Variants in SGSM1 observed in about 807,000 individuals in gnomAD.
SGSM1 encodes the protein small G protein signaling modulator 1.
SGSM1 carries 73 observed loss-of-function variants against 133.8 expected under a neutral mutation model. The observed-to-expected ratio is 0.55, with a 90% CI of 0.45 to 0.66. The LOEUF (loss-of-function observed/expected upper bound fraction) is 0.66. Ranked by LOEUF, SGSM1 falls within the 30% of genes least tolerant of loss-of-function variation. The pLI, the probability that SGSM1 is intolerant of heterozygous loss-of-function variation, is 0.00. For missense variants in SGSM1, 1,213 were observed against 1,448.1 expected, an observed-to-expected ratio of 0.84 and a Z score of 2.64; for synonymous variants, 563 against 573.0, an observed-to-expected ratio of 0.98 and a Z score of 0.25.
Position 24,852,406 on chromosome 22 carries a change from C to T in SGSM1, c.455+1974C>T, listed in dbSNP as rs544323973. On this transcript the variant is annotated intron_variant, in intron 5 of 24. Transcript: ENST00000400358. Reference sequence around the variant, plus strand: ...AGAAACTCCCTTCAGCTACTTCTTACAGTCACACCTCGGTTCCAACTCTAC... The same window carrying T: ...AGAAACTCCCTTCAGCTACTTCTTATAGTCACACCTCGGTTCCAACTCTAC... 1.4e-4 allele frequency among the ~76,000 whole-genome samples: 22 copies of T among 152,298 alleles called. No homozygotes were observed. The South Asian group carries it at 3.5e-3, about 24-fold the overall frequency.
rs745510954 is a variant in SGSM1, at chr22:24,912,698, C to G, written c.2874C>G (p.Phe958Leu). 2 of 1,613,642 alleles carry G rather than the reference C, an allele frequency of 1.2e-6. No homozygotes were observed. The highest frequency in any genetic ancestry group is 1.6e-4 in the Middle Eastern group (1 of 6,084). Residue 958 changes from phenylalanine to leucine, a missense_variant, in exon 22 of 25, where the codon TTC (phenylalanine) becomes TTG (leucine). Coordinates refer to ENST00000400358, the MANE Select transcript of SGSM1 (RefSeq NM_001098497.3). ...TCATGAAGAGGATGAACCAGAACTT[C>G]CCCCACGGAGGCGCCATGGACACGC... ...TELMKRMNQN[F>L]PHGGAMDTHF...
In SGSM1 at chr22:24,868,473, G is replaced by T. The variant is rs758101180; in HGVS notation, c.1092G>T (p.Ser364=). 6.2e-7 allele frequency: 1 copy of T among 1,613,756 alleles called. No individual in the cohort carries two copies. Among genetic ancestry groups the T allele is most frequent in the African/African-American group, 1.3e-5 (1 of 74,986 alleles). Residue 364 remains serine (S), a synonymous_variant, in exon 11 of 25, where the codon TCG becomes TCT. Transcript: ENST00000400358. ...GCGGGCACCTCCTGCAGTTCCTCTC[G>T]TGCCTGGAGAATGGGCTGCTCCCAC... ...PKGGHLLQFL[S]CLENGLLPHG...
intron 20 of SGSM1, among the ~76,000 whole-genome samples, chr22:24,904,151 C>T (rs966370759): frequency 4.6e-5 from 7 of 151,924 alleles, no homozygotes; most frequent in Non-Finnish European, 8.8e-5. Flanking sequence ...TGCTTCAGTC[C>T]CCTCATCTGT....
intron 2 of SGSM1, among the ~76,000 whole-genome samples, chr22:24,811,835 C>G (rs1223445777): frequency 2.0e-5 from 3 of 146,384 alleles, no homozygotes; most frequent in African/African-American, 7.7e-5. Context: ...CATCACTGCA[C>G]TTCAGCCAAG....
chr22:24,906,179 A>G (rs932922637), intron 21 of SGSM1, among the ~76,000 whole-genome samples: 3 of 152,214 alleles, frequency 2.0e-5, no homozygotes, highest in South Asian at 2.1e-4. Context: ...AATCATATCA[A>G]TTGACACAGA....
intron 5 of SGSM1, 47 bp from the exon 6 acceptor site, chr22:24,854,949 C>A: frequency 6.7e-7 from 1 of 1,501,514 alleles, no homozygotes; most frequent in Admixed American, 1.8e-5. Context: ...GATTGTGCGT[C>A]CTCTGCTGGT....
At chr22:24,919,791 C>T in intron 23 of SGSM1, 35 bp from the exon 24 acceptor site, 1 of 1,611,990 alleles carries the variant, frequency 6.2e-7, no homozygotes, top group East Asian at 2.2e-5. Flanking sequence ...GCCCCGTCAC[C>T]AATTCTCTCC....
intron 2 of SGSM1, among the ~76,000 whole-genome samples, chr22:24,810,112 C>G (rs1546934): frequency 0.22 from 33,700 of 151,900 alleles, 4,833 homozygotes; most frequent in African/African-American, 0.4. Flanking sequence ...TGGTCTTATC[C>G]CAAAAGCAAG....
intron 4 of SGSM1, among the ~76,000 whole-genome samples, chr22:24,848,884 C>T (rs559867538): frequency 5.9e-5 from 9 of 152,332 alleles, no homozygotes; most frequent in South Asian, 4.1e-4. Flanking sequence ...CTGGCCAGAA[C>T]GGTATGGTGG....
intron 16 of SGSM1, among the ~76,000 whole-genome samples, chr22:24,889,491 C>T (rs1299527439): frequency 6.7e-6 from 1 of 149,962 alleles, no homozygotes; most frequent in African/African-American, 2.5e-5. Context: ...CTTACTGCAA[C>T]CTCCGTCTCC....
intron 16 of SGSM1, among the ~76,000 whole-genome samples, chr22:24,888,137 G>C (rs984882136): frequency 1.3e-5 from 2 of 152,134 alleles, no homozygotes; most frequent in Non-Finnish European, 2.9e-5. Flanking sequence ...TTTCCTCCGA[G>C]TCTGTAACTT....
At chr22:24,915,351 A>G (rs973947041) in intron 22 of SGSM1, among the ~76,000 whole-genome samples, 1 of 152,250 alleles carries the variant, frequency 6.6e-6, no homozygotes, top group Non-Finnish European at 1.5e-5. Context: ...TTGCTGGAGC[A>G]GAGGGAATGC....
chr22:24,899,037 A>C (rs1445262955), intron 19 of SGSM1, among the ~76,000 whole-genome samples: 1 of 150,982 alleles, frequency 6.6e-6, no homozygotes, highest in African/African-American at 2.4e-5. Flanking sequence ...AAAAAAAAAA[A>C]AAAAAAAAAA....
chr22:24,855,938 C>T, intron 8 of SGSM1: 2 of 656,856 alleles, frequency 3.0e-6, no homozygotes, highest in Non-Finnish European at 5.6e-6. Flanking sequence ...CCCATCTTTA[C>T]ATCCATCTAT....
intron 2 of SGSM1, among the ~76,000 whole-genome samples, chr22:24,825,457 T>C (rs1198326912): frequency 6.6e-6 from 1 of 152,014 alleles, no homozygotes; most frequent in Non-Finnish European, 1.5e-5. Context: ...TGAGACAGAG[T>C]CTCACTCTGT....
intron 9 of SGSM1, among the ~76,000 whole-genome samples, chr22:24,860,911 AAAAAAAAAAAAATATAT>A (rs1311253621): frequency 2.1e-4 from 24 of 114,168 alleles, no homozygotes; most frequent in Admixed American, 5.6e-4. Flanking sequence ...AAAAAAAAAA[AAAAAAAAAAAAATATAT>A]ATATATATAT....
At chr22:24,879,334 C>T in intron 13 of SGSM1, 128 bp from the exon 14 acceptor site, 1 of 791,686 alleles carries the variant, frequency 1.3e-6, no homozygotes, top group Non-Finnish European at 2.1e-6. Flanking sequence ...AATAGCAGCC[C>T]TCCCTACAGT....
In SGSM1 at chr22:24,873,866, A is replaced by AAAAT. The variant is rs1931888215; in HGVS notation, c.1292-2711_1292-2710insAAAT. Among the ~76,000 whole-genome samples the AAAAT allele has an allele frequency of 3.9e-5, 6 of 151,978 alleles. No individual in the cohort carries two copies. In the South Asian group the frequency reaches 1.2e-3, roughly 32 times the overall value. On this transcript the variant is annotated intron_variant, in intron 12 of 24. Coordinates refer to ENST00000400358, the MANE Select transcript of SGSM1 (RefSeq NM_001098497.3). ...AGACCCTGCCTCAGAAAAAAAAAAAAGTCAAATCCCCTGGGTTAGGATCTT... is the reference window on the plus strand; with the variant it reads ...AGACCCTGCCTCAGAAAAAAAAAAAAAAATGTCAAATCCCCTGGGTTAGGATCTT...
At chr22:24,863,636 G>A (rs533765344) in intron 9 of SGSM1, among the ~76,000 whole-genome samples, 61 of 152,266 alleles carry the variant, frequency 4.0e-4, no homozygotes, top group African/African-American at 1.2e-3. Flanking sequence ...TTGGTGTGTC[G>A]GGAAGGGGTT....
Sources: gnomAD v4.1 joint callset for allele counts (sites outside exome capture counted in the v4.1 genomes callset) on GRCh38, gnomAD v4.1.1 for gene constraint, MANE v1.5 for transcripts, NCBI Gene and HGNC (gene_info 2026-07-23, HGNC 2026-07-21) for gene names.